Variants in CCDC102B observed in about 807,000 individuals in gnomAD.
The protein encoded by CCDC102B is coiled-coil domain-containing protein 102B.
A neutral mutation model predicts 57.4 loss-of-function variants in CCDC102B; 75 were observed. The observed-to-expected ratio is 1.31, with a 90% CI of 1.08 to 1.58. The LOEUF (loss-of-function observed/expected upper bound fraction) is 1.58. Ranked by LOEUF, CCDC102B falls within the 40% of genes most tolerant of loss-of-function variation. The pLI is 0.00. For missense variants in CCDC102B, 636 were observed against 582.6 expected (o/e 1.09, Z -0.94); for synonymous variants, 206 against 201.9 (o/e 1.02, Z -0.17).
intron 2 of CCDC102B, 128 bp from the exon 3 acceptor site, chr18:68,838,578 G>A (rs928931604): frequency 2.3e-5 from 33 of 1,441,912 alleles, no homozygotes; most frequent in Non-Finnish European, 2.9e-5. Context: ...ACACTTTCAG[G>A]GAATGATAAT....
intron 4 of CCDC102B, among the ~76,000 whole-genome samples, chr18:68,873,017 C>A (rs2039296489): frequency 1.3e-5 from 2 of 152,118 alleles, no homozygotes; most frequent in Non-Finnish European, 2.9e-5. Context: ...GACAAGGTTT[C>A]AGAGGTTAAA....
intron 6 of CCDC102B, among the ~76,000 whole-genome samples, chr18:68,979,267 A>G (rs1049661087): frequency 3.3e-5 from 5 of 152,076 alleles, no homozygotes; most frequent in East Asian, 1.9e-4. Flanking sequence ...GCATTTTCAA[A>G]TAGGCAAACA....
At chr18:68,963,475 T>A (rs1159373566) in intron 6 of CCDC102B, among the ~76,000 whole-genome samples, 1 of 151,892 alleles carries the variant, frequency 6.6e-6, no homozygotes, top group Non-Finnish European at 1.5e-5. Flanking sequence ...AAGTGATTGC[T>A]TTAAATTTAA....
At chr18:69,006,392 GATTTATTTATTTATTT>G (rs71931343) in intron 6 of CCDC102B, among the ~76,000 whole-genome samples, 1,869 of 141,930 alleles carry the variant, frequency 0.013, 29 homozygotes, top group African/African-American at 0.042. Context: ...ATAGCTTTGA[GATTTATTTATTTATTT>G]ATTTATTTAT....
intron 1 of CCDC102B, chr18:68,716,464 A>T (rs1031009921): frequency 1.3e-5 from 2 of 152,200 alleles, no homozygotes; most frequent in African/African-American, 4.8e-5. Flanking sequence ...ACATGTGGCT[A>T]TTGAGCTTTT....
chr18:68,722,093 T>A (rs960803797), intron 2 of CCDC102B, among the ~76,000 whole-genome samples: 1 of 152,232 alleles, frequency 6.6e-6, no homozygotes, highest in Non-Finnish European at 1.5e-5. Flanking sequence ...CTGATGAAGC[T>A]TTATTCAAAT....
At chr18:68,963,678 A>G (rs898824107) in intron 6 of CCDC102B, among the ~76,000 whole-genome samples, 6 of 151,854 alleles carry the variant, frequency 4.0e-5, no homozygotes, top group Admixed American at 3.9e-4. Flanking sequence ...CAACTAGCAG[A>G]TGTTGCAGTA....
intron 1 of CCDC102B, among the ~76,000 whole-genome samples, chr18:68,822,085 G>T (rs142171623): frequency 8.5e-4 from 130 of 152,228 alleles, no homozygotes; most frequent in African/African-American, 3.0e-3. Flanking sequence ...TGAGAATTGA[G>T]TTTTTTCATT....
At position 68,945,741 on chromosome 18, in the gene CCDC102B, C is replaced by G. The variant is rs143172148; in HGVS notation, c.1263+48313C>G. On this transcript the variant is annotated intron_variant, in intron 6 of 7. Coordinates refer to ENST00000360242, the MANE Select transcript of CCDC102B (RefSeq NM_024781.3). Reference sequence around the variant, plus strand: ...ATTCCTAGGAGAGCATATCCATATGCTTTCTTCCTATGATAGGATCCTTAA... The same window carrying G: ...ATTCCTAGGAGAGCATATCCATATGGTTTCTTCCTATGATAGGATCCTTAA... Among the ~76,000 whole-genome samples, 167 of 152,148 alleles carry G rather than the reference C, an allele frequency of 1.1e-3. 3 individuals are homozygous for G. The highest frequency in any genetic ancestry group is 3.9e-3 in the African/African-American group (163 of 41,530).
At chr18:68,932,106 C>T (rs1335848744) in intron 6 of CCDC102B, among the ~76,000 whole-genome samples, 4 of 151,772 alleles carry the variant, frequency 2.6e-5, no homozygotes, top group Non-Finnish European at 5.9e-5. Flanking sequence ...CAGCTCTGTA[C>T]ATCTTGTCAG....
chr18:68,878,548 A>G (rs1460890995), intron 5 of CCDC102B, among the ~76,000 whole-genome samples: 1 of 152,068 alleles, frequency 6.6e-6, no homozygotes, highest in East Asian at 1.9e-4. Context: ...GGGCAATTAG[A>G]ATTAGTGCCC....
intron 5 of CCDC102B, among the ~76,000 whole-genome samples, chr18:68,896,854 A>G (rs982386888): frequency 2.6e-5 from 4 of 152,020 alleles, no homozygotes; most frequent in Non-Finnish European, 5.9e-5. Context: ...AATATATCCA[A>G]TCAAAATTGC....
At chr18:69,017,698 A>C (rs145377081) in intron 7 of CCDC102B, among the ~76,000 whole-genome samples, 9 of 152,326 alleles carry the variant, frequency 5.9e-5, no homozygotes, top group African/African-American at 1.7e-4. Flanking sequence ...TATGGTATAC[A>C]ACACAGTATT....
chr18:69,022,193 C>CTATATATATATATATATATATATA (rs57226048), intron 7 of CCDC102B, among the ~76,000 whole-genome samples: 4 of 142,042 alleles, frequency 2.8e-5, no homozygotes, highest in African/African-American at 1.1e-4. Flanking sequence ...ATCCTTTAGC[C>CTATATATATATATATATATATATA]TATATATATA....
At chr18:68,801,779 A>G (rs1027059090) in intron 1 of CCDC102B, among the ~76,000 whole-genome samples, 2 of 152,112 alleles carry the variant, frequency 1.3e-5, no homozygotes, top group African/African-American at 4.8e-5. Context: ...GCAACTTTAG[A>G]CTCATTTTCA....
intron 3 of CCDC102B, among the ~76,000 whole-genome samples, chr18:68,845,654 T>C (rs1244198079): frequency 6.6e-6 from 1 of 151,806 alleles, no homozygotes; most frequent in Non-Finnish European, 1.5e-5. Flanking sequence ...TATCAATGAC[T>C]CAGACATTGT....
At chr18:69,046,171 C>A (rs1203499117) in intron 7 of CCDC102B, among the ~76,000 whole-genome samples, 2 of 152,194 alleles carry the variant, frequency 1.3e-5, no homozygotes, top group African/African-American at 4.8e-5. Flanking sequence ...GGAGGAATCA[C>A]CACACTGCTT....
chr18:68,985,351 T>TA (rs2050697285), intron 6 of CCDC102B, among the ~76,000 whole-genome samples: 1 of 152,152 alleles, frequency 6.6e-6, no homozygotes. Context: ...TACTGAGAGA[T>TA]ATGAAAATGA....
At chr18:68,954,061 T>A (rs1421086587) in intron 6 of CCDC102B, among the ~76,000 whole-genome samples, 1 of 152,160 alleles carries the variant, frequency 6.6e-6, no homozygotes, top group Non-Finnish European at 1.5e-5. Flanking sequence ...ATAATAGTTT[T>A]TTTTTTAAAG....
Sources: gnomAD v4.1 joint callset for allele counts (sites outside exome capture counted in the v4.1 genomes callset) on GRCh38, gnomAD v4.1.1 for gene constraint, MANE v1.5 for transcripts, NCBI Gene and HGNC (gene_info 2026-07-23, HGNC 2026-07-21) for gene names.